The following ZC3H12B variants were observed in gnomAD, a reference collection of about 807,000 sequenced individuals.
The protein encoded by ZC3H12B is zinc finger CCCH-type containing 12B.
Under a neutral mutation model 43.9 loss-of-function variants are expected in ZC3H12B, and 7 were observed. That is an observed-to-expected ratio of 0.16 (90% CI 0.09 to 0.30). The LOEUF is 0.30. Among genes scored for constraint, ZC3H12B ranks in the 10% least tolerant of loss-of-function variants. ZC3H12B has a pLI of 1.00. For synonymous variants in ZC3H12B, 222 were observed against 241.7 expected, an observed-to-expected ratio of 0.92 and a Z score of 0.76; for missense variants, 475 against 670.2, an observed-to-expected ratio of 0.71 and a Z score of 3.22.
intron 1 of ZC3H12B, among the ~76,000 whole-genome samples, chrX:65,496,487 AGAAAATGGAACTAGT>A (rs1200846199): frequency 8.9e-6 from 1 of 111,944 alleles, no homozygotes; most frequent in Non-Finnish European, 1.9e-5. Context: ...AAAAGAAGAG[AGAAAATGGAACTAGT>A]GATAGGAGAT....
At chrX:65,367,753 C>T (rs944210553) in intron 1 of ZC3H12B, among the ~76,000 whole-genome samples, 1 of 110,848 alleles carries the variant, frequency 9.0e-6, no homozygotes, top group Admixed American at 9.7e-5. Flanking sequence ...TCTTGACACA[C>T]CCTTAGGAGG....
chrX:65,077,226 G>A, the ZC3H12B span, among the ~76,000 whole-genome samples: 6 of 111,660 alleles, frequency 5.4e-5, no homozygotes, highest in Admixed American at 9.5e-5. Flanking sequence ...GCACTCTGCT[G>A]GGCTACCGGG....
chrX:65,343,073 G>T, the ZC3H12B span, among the ~76,000 whole-genome samples: 2 of 110,929 alleles, frequency 1.8e-5, no homozygotes, highest in Admixed American at 1.9e-4. Flanking sequence ...TAGAAAAAAT[G>T]GATAAATTCC....
the ZC3H12B span, among the ~76,000 whole-genome samples, chrX:65,154,599 G>A: frequency 2.7e-5 from 3 of 112,281 alleles, no homozygotes; most frequent in East Asian, 8.4e-4. Flanking sequence ...CCGTGTGGCG[G>A]TTCATTTGGG....
chrX:65,481,983 C>T (rs2148214210), intron 3 of ZC3H12B, among the ~76,000 whole-genome samples: 1 of 111,436 alleles, frequency 9.0e-6, no homozygotes, highest in Non-Finnish European at 1.9e-5. Context: ...ACTGCAGCTA[C>T]CCCTCAGAAT....
At chrX:65,297,813 C>T in the ZC3H12B span, among the ~76,000 whole-genome samples, 2 of 111,474 alleles carry the variant, frequency 1.8e-5, no homozygotes, top group Non-Finnish European at 3.8e-5. Flanking sequence ...AGACCAATGG[C>T]ACAGAATAGA....
chrX:65,206,421 C>A, the ZC3H12B span, among the ~76,000 whole-genome samples: 4 of 111,759 alleles, frequency 3.6e-5, no homozygotes, highest in Admixed American at 2.9e-4. Flanking sequence ...AAAGGACACC[C>A]TATTCAACAA....
At chrX:65,225,484 G>C in the ZC3H12B span, among the ~76,000 whole-genome samples, 1 of 112,441 alleles carries the variant, frequency 8.9e-6, no homozygotes, top group East Asian at 2.8e-4. Flanking sequence ...TCCTCCAAAG[G>C]AACGCAGTTC....
chrX:65,360,731 A>G, the ZC3H12B span, among the ~76,000 whole-genome samples: 1 of 112,436 alleles, frequency 8.9e-6, no homozygotes, highest in African/African-American at 3.2e-5. Context: ...TATCTACACA[A>G]AGGCTTGTAT....
At chrX:65,141,670 A>G in the ZC3H12B span, among the ~76,000 whole-genome samples, 1 of 108,907 alleles carries the variant, frequency 9.2e-6, no homozygotes, top group Non-Finnish European at 1.9e-5. Flanking sequence ...CCCCCTTCCC[A>G]CTCTTTTCCC....
chrX:65,278,439 AAAT>A, the ZC3H12B span, among the ~76,000 whole-genome samples: 8 of 111,724 alleles, frequency 7.2e-5, no homozygotes, highest in Non-Finnish European at 1.3e-4. Flanking sequence ...TAGAATCAAG[AAAT>A]AATAATAAGT....
the ZC3H12B span, among the ~76,000 whole-genome samples, chrX:65,073,289 A>G: frequency 4.4e-5 from 5 of 112,610 alleles, no homozygotes; most frequent in Non-Finnish European, 7.5e-5. Flanking sequence ...TGGGGTGGCC[A>G]TGCTCTCGTA....
chrX:65,227,866 G>T, the ZC3H12B span, among the ~76,000 whole-genome samples: 1 of 111,214 alleles, frequency 9.0e-6, no homozygotes, highest in Non-Finnish European at 1.9e-5. Flanking sequence ...ACCAATAAGA[G>T]GCTCTGAAAT....
chrX:65,090,490 TTATC>T, the ZC3H12B span, among the ~76,000 whole-genome samples: 1 of 112,334 alleles, frequency 8.9e-6, no homozygotes, highest in East Asian at 2.8e-4. Context: ...AATCTGCTGT[TTATC>T]TAGGTTTCTT....
At chrX:65,211,798 A>G in the ZC3H12B span, among the ~76,000 whole-genome samples, 1 of 82,563 alleles carries the variant, frequency 1.2e-5, no homozygotes, top group Non-Finnish European at 2.2e-5. Context: ...AATATTATGT[A>G]TACTATATAA....
the ZC3H12B span, among the ~76,000 whole-genome samples, chrX:65,262,668 G>A: frequency 4.5e-5 from 5 of 110,618 alleles, no homozygotes; most frequent in African/African-American, 1.6e-4. Context: ...ATAAATAGTA[G>A]CTATGTTTTA....
At chrX:65,335,895 A>G in the ZC3H12B span, among the ~76,000 whole-genome samples, 19 of 112,290 alleles carry the variant, frequency 1.7e-4, no homozygotes, top group Non-Finnish European at 3.2e-4. Flanking sequence ...CAAGGACATG[A>G]AAAAAGATGA....
chrX:65,261,697 CA>C, the ZC3H12B span, among the ~76,000 whole-genome samples: 1,426 of 109,660 alleles, frequency 0.013, 53 homozygotes, highest in Admixed American at 0.099. Context: ...AAAGGCTAAG[CA>C]AAAGATTTAA....
intron 3 of ZC3H12B, among the ~76,000 whole-genome samples, chrX:65,424,230 A>G (rs2067053662): frequency 8.9e-6 from 1 of 112,037 alleles, no homozygotes; most frequent in African/African-American, 3.2e-5. Flanking sequence ...ATATTGAGGT[A>G]TTTTTTAAAT....
Sources: allele counts gnomAD v4.1 joint callset (sites outside exome capture counted in the v4.1 genomes callset), GRCh38; gene constraint gnomAD v4.1.1; transcripts MANE v1.5; gene names NCBI Gene and HGNC (gene_info 2026-07-23, HGNC 2026-07-21).